ZBBX: variants seen among roughly 807,000 people sequenced by gnomAD.
ZBBX encodes the protein zinc finger B-box domain-containing protein 1.
A neutral mutation model predicts 108.5 loss-of-function variants in ZBBX; 101 were observed. The observed-to-expected ratio is 0.93, with a 90% CI of 0.79 to 1.10. The LOEUF (loss-of-function observed/expected upper bound fraction) is 1.10. ZBBX is among the 50% of genes least tolerant of loss of function. The probability of loss-of-function intolerance (pLI) is 0.00; values close to 1 mark genes in which losing one functional copy is unlikely to be tolerated. For missense variants in ZBBX, 1,009 were observed against 941.4 expected, an observed-to-expected ratio of 1.07 and a Z score of -0.94; for synonymous variants, 356 against 323.4, an observed-to-expected ratio of 1.10 and a Z score of -1.08.
intron 20 of ZBBX, among the ~76,000 whole-genome samples, chr3:167,262,992 C>T (rs945545896): frequency 4.1e-5 from 6 of 146,220 alleles, no homozygotes; most frequent in Non-Finnish European, 9.0e-5. Context: ...TATTTCTTTT[C>T]TTCCACTAAT....
In ZBBX at chr3:167,305,791, A is replaced by G. The variant is rs1234126033; in HGVS notation, c.1577T>C (p.Leu526Pro). Residue 526 changes from leucine (L) to proline (P), a missense_variant, in exon 17 of 22, where the codon CTT becomes CCT. Physicochemically the swap from Leu to Pro is moderately conservative, Grantham distance 98 (BLOSUM62 -3). Transcript: ENST00000675490. ...ACCTAGCAAAGTGTCCTTGCTTTCA[A>G]GTGATACACAGGAATCATCAGACTT... The part of the protein sequence containing the change: ...NQKSDDSCVS[L>P]ESKDTLLGRD... The G allele has an allele frequency of 1.2e-6, 2 of 1,612,896 alleles. No individual in the cohort carries two copies. The highest frequency in any genetic ancestry group is 1.7e-6 in the Non-Finnish European group (2 of 1,179,442).
chr3:167,183,155 T>C, the ZBBX span, among the ~76,000 whole-genome samples: 1 of 152,218 alleles, frequency 6.6e-6, no homozygotes, highest in Non-Finnish European at 1.5e-5. Flanking sequence ...TAGCTTTAGC[T>C]GGCAAACAAA....
chr3:167,302,847 C>T (rs999258251), intron 17 of ZBBX, among the ~76,000 whole-genome samples: 10 of 152,172 alleles, frequency 6.6e-5, no homozygotes, highest in African/African-American at 2.4e-4. Context: ...AGCTGTGTTA[C>T]AGGAGAGAAA....
intron 12 of ZBBX, among the ~76,000 whole-genome samples, chr3:167,320,022 G>T (rs759432764): frequency 6.6e-6 from 1 of 151,068 alleles, no homozygotes; most frequent in Admixed American, 6.6e-5. Context: ...GTGTGTGCAC[G>T]CACGTGTGTG....
intron 1 of ZBBX, among the ~76,000 whole-genome samples, chr3:167,395,647 A>G (rs560903488): frequency 1.3e-5 from 2 of 152,160 alleles, no homozygotes; most frequent in South Asian, 4.1e-4. Flanking sequence ...GGAAAATCAC[A>G]ATAACCTTGT....
chr3:167,269,905 C>T (rs1022098902), intron 20 of ZBBX, among the ~76,000 whole-genome samples: 1 of 152,164 alleles, frequency 6.6e-6, no homozygotes, highest in Admixed American at 6.5e-5. Flanking sequence ...AGCTGAGGCA[C>T]ATTCACTTTT....
At chr3:167,284,415 G>A (rs920298759) in intron 19 of ZBBX, among the ~76,000 whole-genome samples, 1 of 151,776 alleles carries the variant, frequency 6.6e-6, no homozygotes, top group African/African-American at 2.4e-5. Flanking sequence ...TACTCTATGG[G>A]GTAAACCACA....
intron 1 of ZBBX, among the ~76,000 whole-genome samples, chr3:167,402,057 A>G (rs1222967617): frequency 6.6e-6 from 1 of 152,058 alleles, no homozygotes; most frequent in Non-Finnish European, 1.5e-5. Context: ...GTGGAAATGA[A>G]GCCATCTGAG....
intron 20 of ZBBX, among the ~76,000 whole-genome samples, chr3:167,251,329 A>C (rs939923991): frequency 7.2e-5 from 11 of 152,210 alleles, no homozygotes; most frequent in Admixed American, 6.5e-4. Flanking sequence ...TAGAGGGTCT[A>C]ACTGAGCTGG....
chr3:167,233,876 A>C, the ZBBX span, among the ~76,000 whole-genome samples: 1 of 151,782 alleles, frequency 6.6e-6, no homozygotes, highest in Non-Finnish European at 1.5e-5. Context: ...TTCCAGGATA[A>C]CAGCCTGAGA....
At chr3:167,402,514 A>G (rs1306907863) in intron 1 of ZBBX, among the ~76,000 whole-genome samples, 3 of 152,110 alleles carry the variant, frequency 2.0e-5, no homozygotes, top group African/African-American at 7.2e-5. Context: ...CTCTAACCCT[A>G]TTTTTCTTCT....
the ZBBX span, among the ~76,000 whole-genome samples, chr3:167,226,426 C>A: frequency 2.6e-5 from 4 of 151,702 alleles, no homozygotes; most frequent in Non-Finnish European, 5.9e-5. Context: ...AGTAGTTAAT[C>A]TGTAGAGTTG....
At chr3:167,364,997 C>G (rs73879687) in intron 6 of ZBBX, among the ~76,000 whole-genome samples, 2,096 of 151,750 alleles carry the variant, frequency 0.014, 54 homozygotes, top group African/African-American at 0.048. Context: ...GTTTTCCTAC[C>G]CTTTTAATTC....
intron 11 of ZBBX, among the ~76,000 whole-genome samples, chr3:167,326,959 T>C (rs1737498396): frequency 6.6e-6 from 1 of 151,930 alleles, no homozygotes; most frequent in Admixed American, 6.6e-5. Flanking sequence ...TTGAAATTTA[T>C]TATCTAACAT....
At chr3:167,387,301 G>A (rs1194293979) in intron 1 of ZBBX, among the ~76,000 whole-genome samples, 1 of 152,058 alleles carries the variant, frequency 6.6e-6, no homozygotes, top group East Asian at 1.9e-4. Flanking sequence ...CTAGATGAGG[G>A]ACACAGACAA....
chr3:167,222,222 C>CA, the ZBBX span, among the ~76,000 whole-genome samples: 41 of 143,466 alleles, frequency 2.9e-4, no homozygotes, highest in South Asian at 3.6e-3. Context: ...ACTATTTGGC[C>CA]AAAAAAAAAA....
chr3:167,208,720 T>G, the ZBBX span, among the ~76,000 whole-genome samples: 1 of 152,200 alleles, frequency 6.6e-6, no homozygotes, highest in Non-Finnish European at 1.5e-5. Flanking sequence ...GCTTCATATG[T>G]GACCCAGTGC....
chr3:167,404,007 A>C (rs1406221875), intron 1 of ZBBX, among the ~76,000 whole-genome samples: 1 of 152,172 alleles, frequency 6.6e-6, no homozygotes, highest in East Asian at 1.9e-4. Context: ...AAGAAAAAGC[A>C]ATATTGTCAG....
intron 20 of ZBBX, among the ~76,000 whole-genome samples, chr3:167,273,853 T>C (rs973512927): frequency 7.2e-5 from 11 of 152,342 alleles, no homozygotes; most frequent in East Asian, 1.9e-4. Flanking sequence ...GGGTACCTGA[T>C]AGATTCAAAG....
Sources: gnomAD v4.1 joint callset for allele counts (sites outside exome capture counted in the v4.1 genomes callset) on GRCh38, gnomAD v4.1.1 for gene constraint, MANE v1.5 for transcripts, NCBI Gene and HGNC (gene_info 2026-07-23, HGNC 2026-07-21) for gene names.